Variants in UGP2 observed in about 807,000 individuals in gnomAD.
UGP2 encodes UTP--glucose-1-phosphate uridylyltransferase.
Under a neutral mutation model 49.0 loss-of-function variants are expected in UGP2, and 40 were observed. The observed-to-expected ratio is 0.82, with a 90% CI of 0.63 to 1.06. UGP2 has a LOEUF of 1.06. UGP2 is among the 50% of genes least tolerant of loss of function. UGP2 has a pLI of 0.00. For synonymous variants in UGP2, 225 were observed against 213.0 expected (o/e 1.06, Z -0.49); for missense variants, 460 against 603.5 (o/e 0.76, Z 2.49).
intron 4 of UGP2, 59 bp downstream of exon 4, chr2:63,882,710 T>C (rs1671400513): frequency 7.1e-7 from 1 of 1,417,998 alleles, no homozygotes; most frequent in Non-Finnish European, 9.3e-7. Flanking sequence ...TTTTAAGTTA[T>C]CATAAATGTT....
At chr2:63,865,255 T>C (rs1670104076) in intron 3 of UGP2, among the ~76,000 whole-genome samples, 1 of 151,910 alleles carries the variant, frequency 6.6e-6, no homozygotes, top group African/African-American at 2.4e-5. Flanking sequence ...AGAAAATGAG[T>C]AGGGTAAATG....
intron 3 of UGP2, among the ~76,000 whole-genome samples, chr2:63,875,061 T>C (rs138988808): frequency 6.6e-6 from 1 of 152,362 alleles, no homozygotes; most frequent in East Asian, 1.9e-4. Context: ...AAAGTAAATT[T>C]GTAGGATCTT....
intron 1 of UGP2, chr2:63,842,602 G>C: frequency 6.9e-7 from 1 of 1,456,904 alleles, no homozygotes; most frequent in Non-Finnish European, 9.0e-7. Context: ...AAAGCCGGGT[G>C]GGTTTTGCCG....
In UGP2 at chr2:63,851,425, T is replaced by C. The variant is rs1399021872; in HGVS notation, c.20-4881T>C. 2.6e-5 allele frequency among the ~76,000 whole-genome samples: 4 copies of C among 152,180 alleles called. No homozygotes were observed. The East Asian group carries it at 7.7e-4, about 29-fold the overall frequency. ...GTGATTAAAACTCCCAAATCAGTTGTGGTAGAAAGAAAGGCCTCTTGGAAT... is the reference window on the plus strand; with the variant it reads ...GTGATTAAAACTCCCAAATCAGTTGCGGTAGAAAGAAAGGCCTCTTGGAAT... On this transcript the variant is annotated intron_variant, in intron 1 of 9. Transcript: ENST00000337130.
chr2:63,882,550 A>T lies in UGP2; in HGVS notation c.340A>T (p.Asn114Tyr). The change falls in exon 4 of 10, where the codon AAT becomes TAT. Residue 114 changes from asparagine (N) to tyrosine (Y), a missense_variant. Physicochemically the swap from Asn to Tyr is moderately radical, Grantham distance 143. Around this residue, in one of 2 missense-constraint regions of UGP2, gnomAD observed 143 missense variants for 130.4 expected, o/e 1.10. Coordinates refer to ENST00000337130, the MANE Select transcript of UGP2 (RefSeq NM_006759.4). The stretch of plus-strand genomic sequence containing the variant: ...GAACAAACTAGTGGTGGTGAAACTC[A>T]ATGGTGGTTTGGGAACCAGCATGGG... ...VLNKLVVVKL[N>Y]GGLGTSMGCK... 1 of 1,613,494 alleles carries T rather than the reference A, an allele frequency of 6.2e-7. No homozygotes were observed.
At chr2:63,877,856 G>A (rs62136387) in intron 3 of UGP2, among the ~76,000 whole-genome samples, 11 of 151,268 alleles carry the variant, frequency 7.3e-5, no homozygotes, top group Non-Finnish European at 1.5e-4. Context: ...AGCCGGGCGC[G>A]GTGGCGGGCG....
At chr2:63,862,085 T>C (rs1271045579) in intron 3 of UGP2, among the ~76,000 whole-genome samples, 3 of 152,080 alleles carry the variant, frequency 2.0e-5, no homozygotes, top group African/African-American at 4.8e-5. Context: ...GCATCTGATA[T>C]AGTATGCCAT....
intron 1 of UGP2, among the ~76,000 whole-genome samples, chr2:63,850,241 CT>C (rs888659155): frequency 6.6e-6 from 1 of 151,958 alleles, no homozygotes. Flanking sequence ...TAGCAAAAAT[CT>C]TTTTTAGCGA....
rs114475463 is a variant in UGP2, at chr2:63,869,696, T to C, written c.255+11760T>C. 2.5e-3 allele frequency among the ~76,000 whole-genome samples: 380 copies of C among 152,268 alleles called. 3 individuals carry two copies. The highest frequency in any genetic ancestry group is 8.5e-3 in the African/African-American group (354 of 41,544). On this transcript the variant is annotated intron_variant, in intron 3 of 9. Transcript: ENST00000337130. ...AAGTAGCAGATTATATTGAAGGATA[T>C]TGAGCATGAATGATTGTGTTAGTAC... is the stretch of plus-strand genomic sequence containing the variant.
intron 1 of UGP2, among the ~76,000 whole-genome samples, chr2:63,848,216 G>A (rs1391314718): frequency 2.6e-5 from 4 of 152,128 alleles, no homozygotes; most frequent in South Asian, 2.1e-4. Context: ...GACTGTTGCC[G>A]TTTTGACATA....
At chr2:63,850,831 A>G (rs1256585103) in intron 1 of UGP2, among the ~76,000 whole-genome samples, 3 of 152,276 alleles carry the variant, frequency 2.0e-5, no homozygotes, top group African/African-American at 7.2e-5. Flanking sequence ...ACTAGGCACT[A>G]CCTACACTAG....
intron 3 of UGP2, among the ~76,000 whole-genome samples, chr2:63,873,279 A>G (rs1670682632): frequency 6.6e-6 from 1 of 152,204 alleles, no homozygotes; most frequent in African/African-American, 2.4e-5. Flanking sequence ...ATCTCAAACC[A>G]CATCACAGCA....
intron 3 of UGP2, among the ~76,000 whole-genome samples, chr2:63,880,654 C>T (rs1575847053): frequency 6.6e-6 from 1 of 152,166 alleles, no homozygotes; most frequent in East Asian, 1.9e-4. Context: ...ATGGTCATGG[C>T]AGTAGAGTCA....
chr2:63,845,268 G>C (rs1671851476), intron 1 of UGP2, among the ~76,000 whole-genome samples: 1 of 152,122 alleles, frequency 6.6e-6, no homozygotes, highest in African/African-American at 2.4e-5. Context: ...GATAAAAATT[G>C]GGCAGTAATG....
intron 3 of UGP2, among the ~76,000 whole-genome samples, chr2:63,875,163 G>T (rs1003800468): frequency 6.6e-6 from 1 of 152,204 alleles, no homozygotes; most frequent in Non-Finnish European, 1.5e-5. Flanking sequence ...CACAAACCCT[G>T]TGCAGTAGCA....
chr2:63,842,404 C>T (rs754705363), intron 1 of UGP2, 200 bp downstream of exon 1: 2 of 1,586,122 alleles, frequency 1.3e-6, no homozygotes, highest in African/African-American at 1.3e-5. Context: ...GCTCCTGTAC[C>T]CTGCTGGGTT....
rs763310390 is a variant in UGP2, at chr2:63,885,595, G to A, written c.582G>A (p.Pro194=). The A allele has an allele frequency of 4.2e-5, 64 of 1,538,538 alleles. No individual in the cohort carries two copies. Among genetic ancestry groups the A allele is most frequent in the Non-Finnish European group, 5.4e-5 (62 of 1,148,634 alleles). The part of the protein sequence containing the change: ...KIYTFNQSRY[P]RINKESLLPV... ...AACTTTTTTTTTTTTAAAGGTACCC[G>A]AGGATTAATAAAGAATCTTTACTTC... Residue 194 remains proline, a synonymous_variant, in exon 6 of 10, where the codon CCG becomes CCA. Transcript: ENST00000337130.
At chr2:63,858,045 C>A in intron 3 of UGP2, 109 bp downstream of exon 3, 1 of 980,310 alleles carries the variant, frequency 1.0e-6, no homozygotes, top group Non-Finnish European at 1.5e-6. Context: ...TGAGACAAGA[C>A]AGGACTTGCT....
intron 1 of UGP2, among the ~76,000 whole-genome samples, chr2:63,851,553 G>A (rs1216170177): frequency 1.3e-5 from 2 of 152,100 alleles, no homozygotes; most frequent in East Asian, 3.8e-4. Flanking sequence ...AGATCAGGGC[G>A]GTTTCCCAGA....
Sources: gnomAD v4.1 joint callset for allele counts (sites outside exome capture counted in the v4.1 genomes callset) on GRCh38, gnomAD v4.1.1 for gene constraint, gnomAD v4.1.1 regional missense constraint, MANE v1.5 for transcripts, NCBI Gene and HGNC (gene_info 2026-07-23, HGNC 2026-07-21) for gene names.